CDK17: variants seen among roughly 807,000 people sequenced by gnomAD.
CDK17 encodes the protein cyclin-dependent kinase 17.
In CDK17, 24 loss-of-function variants were observed where a neutral mutation model predicts 77.6. The observed-to-expected ratio is 0.31, with a 90% CI of 0.22 to 0.44. CDK17 has a LOEUF of 0.44. Among genes scored for constraint, CDK17 ranks in the 20% least tolerant of loss-of-function variants. The pLI is 1.00. For missense variants in CDK17, 429 were observed against 622.5 expected (o/e 0.69, Z 3.31); for synonymous variants, 203 against 210.4 (o/e 0.96, Z 0.30).
intron 1 of CDK17, among the ~76,000 whole-genome samples, chr12:96,352,375 GTGGGGCT>G (rs1953324774): frequency 6.6e-6 from 1 of 151,914 alleles, no homozygotes; most frequent in African/African-American, 2.4e-5. Flanking sequence ...GAAGCCAGAA[GTGGGGCT>G]AGAGAGAGAG....
intron 14 of CDK17, 129 bp downstream of exon 14, chr12:96,283,473 CA>C: frequency 3.4e-6 from 2 of 585,792 alleles, no homozygotes; most frequent in Non-Finnish European, 6.1e-6. Flanking sequence ...TTAACTTAAA[CA>C]TGTGCCTTAA....
At chr12:96,389,835 GTTTTTTTT>G (rs144451889) in intron 1 of CDK17, among the ~76,000 whole-genome samples, 4 of 138,370 alleles carry the variant, frequency 2.9e-5, no homozygotes, top group African/African-American at 1.1e-4. Flanking sequence ...TTTGTTTTTT[GTTTTTTTT>G]TTTTTGAGAG....
chr12:96,349,050 G>T (rs1350170060), intron 1 of CDK17, among the ~76,000 whole-genome samples: 1 of 152,106 alleles, frequency 6.6e-6, no homozygotes, highest in Non-Finnish European at 1.5e-5. Context: ...AAATCCTTAA[G>T]AAAATACTAA....
chr12:96,308,455 G>A (rs1213299327), intron 5 of CDK17, among the ~76,000 whole-genome samples: 2 of 151,600 alleles, frequency 1.3e-5, no homozygotes, highest in Non-Finnish European at 2.9e-5. Context: ...AAGGCTGGAT[G>A]CAGTGGCTCA....
At chr12:96,322,098 TAACA>T (rs1952826905) in intron 3 of CDK17, among the ~76,000 whole-genome samples, 1 of 152,188 alleles carries the variant, frequency 6.6e-6, no homozygotes, top group Admixed American at 6.6e-5. Context: ...CTCACGTCAT[TAACA>T]AACAAGTGTA....
At chr12:96,321,751 T>C (rs1222224161) in intron 3 of CDK17, among the ~76,000 whole-genome samples, 35 of 105,798 alleles carry the variant, frequency 3.3e-4, no homozygotes, top group South Asian at 7.9e-4. Flanking sequence ...TAGGTGGGAA[T>C]TGAACAATGA....
chr12:96,353,995 AG>A (rs1216290252), intron 1 of CDK17, among the ~76,000 whole-genome samples: 1 of 152,166 alleles, frequency 6.6e-6, no homozygotes, highest in Non-Finnish European at 1.5e-5. Flanking sequence ...GTGTAATAAG[AG>A]GGAAGGTCAG....
At chr12:96,358,697 C>T (rs1160519300) in intron 1 of CDK17, among the ~76,000 whole-genome samples, 2 of 152,070 alleles carry the variant, frequency 1.3e-5, no homozygotes, top group African/African-American at 4.8e-5. Flanking sequence ...TTGTGGCACA[C>T]ACCTGTAATC....
chr12:96,358,129 T>C (rs1171392267), intron 1 of CDK17, among the ~76,000 whole-genome samples: 1 of 152,088 alleles, frequency 6.6e-6, no homozygotes, highest in Non-Finnish European at 1.5e-5. Flanking sequence ...ACTGTTTAGG[T>C]AAACTATATA....
chr12:96,347,259 A>T (rs1953228706), intron 1 of CDK17, among the ~76,000 whole-genome samples: 1 of 152,018 alleles, frequency 6.6e-6, no homozygotes, highest in African/African-American at 2.4e-5. Context: ...AACCAGACAG[A>T]TTTATAAAGA....
chr12:96,354,790 AG>A, intron 1 of CDK17, among the ~76,000 whole-genome samples: 1 of 152,238 alleles, frequency 6.6e-6, no homozygotes, highest in South Asian at 2.1e-4. Context: ...AGGCTGAGAC[AG>A]GAGGATTACT....
At chr12:96,314,236 T>C (rs12824548) in intron 3 of CDK17, among the ~76,000 whole-genome samples, 7,894 of 152,254 alleles carry the variant, frequency 0.052, 267 homozygotes, top group Non-Finnish European at 0.064. Flanking sequence ...CTTGCTCTGT[T>C]GGCCAAGCTG....
chr12:96,385,809 T>C (rs192187920), intron 1 of CDK17, among the ~76,000 whole-genome samples: 5 of 151,928 alleles, frequency 3.3e-5, no homozygotes, highest in African/African-American at 1.2e-4. Flanking sequence ...ACTGAGACCA[T>C]ACAGATAGGA....
intron 1 of CDK17, among the ~76,000 whole-genome samples, chr12:96,356,828 T>C (rs988916460): frequency 6.6e-6 from 1 of 152,260 alleles, no homozygotes; most frequent in African/African-American, 2.4e-5. Context: ...CTTATTTTCA[T>C]TATTTTCTTT....
chr12:96,359,680 CTA>C (rs1592752299), intron 1 of CDK17, among the ~76,000 whole-genome samples: 1 of 152,048 alleles, frequency 6.6e-6, no homozygotes, highest in Non-Finnish European at 1.5e-5. Flanking sequence ...GAGACAAACA[CTA>C]TATTAATTAG....
Position 96,313,421 on chromosome 12 carries a change from T to C in CDK17, c.317A>G (p.Asp106Gly). ...CCCAGAAGCTTGGTCACTCTCACCA[T>C]CTGATCCCATTTTTAGATTTTCATG... ...IVHENLKMGSDGESDQASGTS... is the reference protein window; with the variant it reads ...IVHENLKMGSGGESDQASGTS... Residue 106 changes from aspartate (D) to glycine (G), a missense_variant, in exon 4 of 17, where the codon GAT becomes GGT. Around this residue, in one of 4 missense-constraint regions of CDK17, gnomAD observed 262 missense variants for 385.4 expected, o/e 0.68. Coordinates refer to ENST00000261211, the MANE Select transcript of CDK17 (RefSeq NM_002595.5). The C allele has an allele frequency of 6.4e-7, 1 of 1,574,548 alleles. No homozygotes were observed. The highest frequency in any genetic ancestry group is 1.9e-5 in the Admixed American group (1 of 53,432).
At chr12:96,339,718 C>G (rs1487056527) in intron 1 of CDK17, among the ~76,000 whole-genome samples, 1 of 151,868 alleles carries the variant, frequency 6.6e-6, no homozygotes. Context: ...TCACTTGAGG[C>G]CGGGAGTTCA....
At chr12:96,372,366 G>C (rs7303949) in intron 1 of CDK17, among the ~76,000 whole-genome samples, 1 of 151,936 alleles carries the variant, frequency 6.6e-6, no homozygotes, top group African/African-American at 2.4e-5. Context: ...TCCTAGGGCC[G>C]AATCAATTGA....
intron 1 of CDK17, among the ~76,000 whole-genome samples, chr12:96,348,647 C>T (rs921023283): frequency 6.6e-6 from 1 of 151,186 alleles, no homozygotes; most frequent in Non-Finnish European, 1.5e-5. Flanking sequence ...ACATCACTAC[C>T]AATTATACAG....
Sources: allele counts gnomAD v4.1 joint callset (sites outside exome capture counted in the v4.1 genomes callset), GRCh38; gene constraint gnomAD v4.1.1; regional missense constraint gnomAD v4.1.1; transcripts MANE v1.5; gene names NCBI Gene and HGNC (gene_info 2026-07-23, HGNC 2026-07-21).